Variants in PLXDC2 observed in about 807,000 individuals in gnomAD.
The protein encoded by PLXDC2 is plexin domain-containing protein 2.
A neutral mutation model predicts 68.9 loss-of-function variants in PLXDC2; 40 were observed. The observed-to-expected ratio is 0.58, with a 90% CI of 0.45 to 0.76. PLXDC2 has a LOEUF of 0.76. PLXDC2 is among the 30% of genes least tolerant of loss of function. The probability of loss-of-function intolerance (pLI) is 0.00; values close to 1 mark genes in which losing one functional copy is unlikely to be tolerated. For missense variants in PLXDC2, 644 were observed against 661.9 expected (o/e 0.97, Z 0.30); for synonymous variants, 243 against 234.2 (o/e 1.04, Z -0.34).
At chr10:20,178,678 A>C (rs551880183) in intron 9 of PLXDC2, among the ~76,000 whole-genome samples, 4 of 152,298 alleles carry the variant, frequency 2.6e-5, no homozygotes, top group African/African-American at 7.2e-5. Context: ...CTTATTGAAG[A>C]ATGCAAAAAT....
rs1332772337 is a variant in PLXDC2, at chr10:20,285,121, A to G, written c.*5302A>G. On this transcript the variant is annotated 3_prime_UTR_variant, in exon 14 of 14. Coordinates refer to ENST00000377252, the MANE Select transcript of PLXDC2 (RefSeq NM_032812.9). ...TTTTCTGACCACATATATAATTGCA[A>G]TTTTTATTTGCTCTTCAAACTATTA... is the stretch of plus-strand genomic sequence containing the variant. The G allele has an allele frequency of 6.6e-6, 1 of 152,176 alleles. No homozygotes were observed. The highest frequency in any genetic ancestry group is 1.5e-5 in the Non-Finnish European group (1 of 68,024). 9.4% of individuals were successfully genotyped at this position (152,176 alleles called of 1,614,324 possible). A position where few individuals can be genotyped will look rare whatever the true frequency, so the allele number is the denominator to read the frequency against.
intron 1 of PLXDC2, among the ~76,000 whole-genome samples, chr10:19,886,031 G>C (rs1333222563): frequency 6.6e-6 from 1 of 152,056 alleles, no homozygotes; most frequent in African/African-American, 2.4e-5. Context: ...TTATTTCATT[G>C]AGGATTGGTT....
At chr10:20,040,653 TG>T (rs148168383) in intron 2 of PLXDC2, among the ~76,000 whole-genome samples, 12,331 of 152,128 alleles carry the variant, frequency 0.081, 1,018 homozygotes, top group African/African-American at 0.21. Flanking sequence ...GGTTTGTGAG[TG>T]GACTACATGA....
chr10:19,958,953 C>G (rs1402555507), intron 1 of PLXDC2, among the ~76,000 whole-genome samples: 2 of 152,140 alleles, frequency 1.3e-5, no homozygotes, highest in Admixed American at 1.3e-4. Flanking sequence ...CTTGAGTGAT[C>G]AGCCACTAAC....
chr10:19,837,647 AT>A (rs1200412228), intron 1 of PLXDC2, among the ~76,000 whole-genome samples: 2 of 152,218 alleles, frequency 1.3e-5, no homozygotes, highest in Non-Finnish European at 2.9e-5. Flanking sequence ...AAACACCAAA[AT>A]GCAAAATTAA....
chr10:20,086,633 T>C (rs1177856925), intron 4 of PLXDC2, among the ~76,000 whole-genome samples: 2 of 152,218 alleles, frequency 1.3e-5, no homozygotes, highest in African/African-American at 4.8e-5. Flanking sequence ...ATTCACATTA[T>C]TGTTGCCATT....
intron 4 of PLXDC2, among the ~76,000 whole-genome samples, chr10:20,100,437 C>G (rs1378494718): frequency 6.6e-6 from 1 of 152,030 alleles, no homozygotes; most frequent in Non-Finnish European, 1.5e-5. Context: ...GATGTGATGT[C>G]AGTGATTTTT....
At chr10:19,992,902 T>A (rs1317229321) in intron 1 of PLXDC2, among the ~76,000 whole-genome samples, 3 of 152,190 alleles carry the variant, frequency 2.0e-5, no homozygotes, top group Non-Finnish European at 4.4e-5. Flanking sequence ...TTTTCTTGTG[T>A]TATATCACTA....
At chr10:19,945,893 G>T (rs988121104) in intron 1 of PLXDC2, among the ~76,000 whole-genome samples, 47 of 152,146 alleles carry the variant, frequency 3.1e-4, no homozygotes, top group Non-Finnish European at 4.4e-5. Flanking sequence ...GTTGAAAAAG[G>T]TTTCCAGAGG....
chr10:20,094,619 T>C (rs1833324487), intron 4 of PLXDC2, among the ~76,000 whole-genome samples: 2 of 152,222 alleles, frequency 1.3e-5, no homozygotes, highest in Admixed American at 1.3e-4. Context: ...TAGAGGCTGT[T>C]ATGTCATTTT....
Position 20,149,518 on chromosome 10 carries a change from C to T in PLXDC2, c.783+1616C>T, listed in dbSNP as rs1365534122. ...CCTCCCAAAGTGCTGGGATTACAGGCGTGAGCCACTGCGCCCGGCCGATAG... is the reference window on the plus strand; with the variant it reads ...CCTCCCAAAGTGCTGGGATTACAGGTGTGAGCCACTGCGCCCGGCCGATAG... On this transcript the variant is annotated intron_variant, in intron 6 of 13. Transcript: ENST00000377252. Among the ~76,000 whole-genome samples the T allele has an allele frequency of 2.0e-5, 3 of 151,990 alleles. 1 individual carries two copies. The highest frequency in any genetic ancestry group is 1.9e-4 in the East Asian group (1 of 5,172).
At chr10:20,054,928 C>T (rs955057536) in intron 3 of PLXDC2, among the ~76,000 whole-genome samples, 7 of 152,068 alleles carry the variant, frequency 4.6e-5, no homozygotes, top group Non-Finnish European at 1.0e-4. Flanking sequence ...CTATTTATAT[C>T]TTTCTATGTA....
chr10:19,863,415 A>ATTGAT (rs1564612907), intron 1 of PLXDC2, among the ~76,000 whole-genome samples: 1 of 152,152 alleles, frequency 6.6e-6, no homozygotes, highest in African/African-American at 2.4e-5. Flanking sequence ...ACTCTTATAA[A>ATTGAT]CTGATAGCTG....
intron 9 of PLXDC2, among the ~76,000 whole-genome samples, chr10:20,203,176 A>G (rs1274636540): frequency 2.0e-5 from 3 of 152,216 alleles, no homozygotes; most frequent in Non-Finnish European, 4.4e-5. Context: ...TGCAAAGCCA[A>G]TTGCAAAAAT....
intron 1 of PLXDC2, among the ~76,000 whole-genome samples, chr10:19,926,443 G>A (rs1420762964): frequency 6.6e-6 from 1 of 152,146 alleles, no homozygotes; most frequent in Non-Finnish European, 1.5e-5. Context: ...AGAAAGGGCT[G>A]ATTTGCTTAA....
intron 9 of PLXDC2, among the ~76,000 whole-genome samples, chr10:20,194,794 A>G (rs1218061963): frequency 1.1e-5 from 1 of 87,866 alleles, no homozygotes. Flanking sequence ...CCCTCCCCCC[A>G]CCCCAGGACA....
In PLXDC2 at chr10:19,953,955, T is replaced by G. The variant is rs187064329; in HGVS notation, c.113-47820T>G. Among the ~76,000 whole-genome samples the G allele has an allele frequency of 2.0e-3, 303 of 152,234 alleles. 3 individuals are homozygous for G. Among genetic ancestry groups the G allele is most frequent in the Admixed American group, 3.8e-3 (58 of 15,282 alleles). On this transcript the variant is annotated intron_variant, in intron 1 of 13. Coordinates refer to ENST00000377252, the MANE Select transcript of PLXDC2 (RefSeq NM_032812.9). ...AGTGACAGCTGATAATTTTTGGAAG[T>G]GTGGGCGGGGTGATAAAATCGTGCA...
intron 9 of PLXDC2, among the ~76,000 whole-genome samples, chr10:20,190,629 T>C (rs1355816703): frequency 1.3e-5 from 2 of 151,242 alleles, no homozygotes; most frequent in Non-Finnish European, 3.0e-5. Context: ...AAACTGAGTA[T>C]TGAGTATAAA....
Position 20,068,230 on chromosome 10 carries a change from G to A in PLXDC2, c.532G>A (p.Ala178Thr). The A allele has an allele frequency of 6.2e-7, 1 of 1,611,788 alleles. No homozygotes were observed. The highest frequency in any genetic ancestry group is 8.5e-7 in the Non-Finnish European group (1 of 1,178,368). ...YGHFLREITV[A>T]TGGFIYTGEV... Reference sequence around the variant, plus strand: ...CCACTTCCTACGTGAAATCACTGTGGCAACCGGGGGTAAGTGGTTTTCTAC... The same window carrying A: ...CCACTTCCTACGTGAAATCACTGTGACAACCGGGGGTAAGTGGTTTTCTAC... The change falls in exon 4 of 14, where the codon GCA becomes ACA. Residue 178 changes from alanine (A) to threonine (T), a missense_variant. By Grantham distance (58) the Ala-to-Thr change is moderately conservative. Coordinates refer to ENST00000377252, the MANE Select transcript of PLXDC2 (RefSeq NM_032812.9).
Sources: allele counts gnomAD v4.1 joint callset (sites outside exome capture counted in the v4.1 genomes callset), GRCh38; gene constraint gnomAD v4.1.1; transcripts MANE v1.5; gene names NCBI Gene and HGNC (gene_info 2026-07-23, HGNC 2026-07-21).